The following CRTC3 variants were observed in gnomAD, a reference collection of about 807,000 sequenced individuals.
CRTC3 encodes CREB regulated transcription coactivator 3.
Under a neutral mutation model 74.5 loss-of-function variants are expected in CRTC3, and 26 were observed. That is an observed-to-expected ratio of 0.35 (90% CI 0.26 to 0.48). CRTC3 has a LOEUF of 0.48. CRTC3 is among the 20% of genes least tolerant of loss of function. CRTC3 has a pLI of 0.99. For synonymous variants in CRTC3, 377 were observed against 325.8 expected (o/e 1.16, Z -1.69); for missense variants, 760 against 787.3 (o/e 0.97, Z 0.41).
At chr15:90,543,358 C>G (rs1051379965) in intron 2 of CRTC3, among the ~76,000 whole-genome samples, 5 of 149,592 alleles carry the variant, frequency 3.3e-5, no homozygotes, top group Admixed American at 6.6e-5. Flanking sequence ...TAAAGTAACT[C>G]TTTTCCCCTT....
intron 2 of CRTC3, among the ~76,000 whole-genome samples, chr15:90,591,602 A>G (rs1872716788): frequency 6.6e-6 from 1 of 152,178 alleles, no homozygotes. Flanking sequence ...AGATAACTTG[A>G]GGTCAGGAGT....
intron 2 of CRTC3, among the ~76,000 whole-genome samples, chr15:90,548,338 A>G (rs543612904): frequency 6.6e-5 from 10 of 152,360 alleles, no homozygotes; most frequent in Admixed American, 5.9e-4. Context: ...TTAGGGAACA[A>G]TCTGATGGTC....
chr15:90,622,127 A>G (rs1241878314), intron 9 of CRTC3, among the ~76,000 whole-genome samples: 2 of 152,194 alleles, frequency 1.3e-5, no homozygotes, highest in Non-Finnish European at 2.9e-5. Flanking sequence ...ACCCCAAGGC[A>G]GGAGTGGGCC....
intron 5 of CRTC3, among the ~76,000 whole-genome samples, chr15:90,605,479 C>A (rs1968192797): frequency 6.6e-6 from 1 of 152,170 alleles, no homozygotes; most frequent in African/African-American, 2.4e-5. Context: ...AAAAACATAA[C>A]CACAATGCCG....
At chr15:90,558,913 G>A (rs8040777) in intron 2 of CRTC3, among the ~76,000 whole-genome samples, 19,898 of 151,568 alleles carry the variant, frequency 0.13, 1,823 homozygotes, top group African/African-American at 0.27. Context: ...TACCACGCCC[G>A]GCTAATTTTT....
chr15:90,591,869 T>A (rs1967809438), intron 2 of CRTC3, among the ~76,000 whole-genome samples: 1 of 152,236 alleles, frequency 6.6e-6, no homozygotes, highest in African/African-American at 2.4e-5. Context: ...CCATTATTTT[T>A]CAGGTATTTC....
At chr15:90,615,614 A>G (rs1968472443) in intron 7 of CRTC3, among the ~76,000 whole-genome samples, 2 of 152,264 alleles carry the variant, frequency 1.3e-5, no homozygotes, top group Admixed American at 6.5e-5. Flanking sequence ...GGTTGACTGC[A>G]TTCCTTCAGT....
intron 2 of CRTC3, among the ~76,000 whole-genome samples, chr15:90,541,975 G>A (rs1246046226): frequency 6.6e-6 from 1 of 151,488 alleles, no homozygotes; most frequent in East Asian, 1.9e-4. Context: ...AGTAGAGATG[G>A]GGTTTCACCA....
At chr15:90,567,097 A>G (rs1366690699) in intron 2 of CRTC3, among the ~76,000 whole-genome samples, 1 of 152,144 alleles carries the variant, frequency 6.6e-6, no homozygotes, top group Non-Finnish European at 1.5e-5. Context: ...TCCAAAGGAC[A>G]CTTCGATTCT....
intron 2 of CRTC3, among the ~76,000 whole-genome samples, chr15:90,543,770 G>A (rs1966839114): frequency 6.6e-6 from 1 of 151,922 alleles, no homozygotes; most frequent in African/African-American, 2.4e-5. Flanking sequence ...CCTTTTTTAG[G>A]TATACAGCTC....
At chr15:90,544,583 G>A (rs1215565887) in intron 2 of CRTC3, among the ~76,000 whole-genome samples, 1 of 152,036 alleles carries the variant, frequency 6.6e-6, no homozygotes, top group Non-Finnish European at 1.5e-5. Flanking sequence ...CCACCTTTTG[G>A]CAATTATGAA....
At chr15:90,631,548 C>T (rs898880194) in intron 11 of CRTC3, among the ~76,000 whole-genome samples, 5 of 151,604 alleles carry the variant, frequency 3.3e-5, no homozygotes, top group Admixed American at 6.6e-5. Flanking sequence ...GTTAACATGA[C>T]GAAACCCCAT....
chr15:90,643,529 C>G lies in CRTC3; in HGVS notation c.*1389C>G. The G allele has an allele frequency of 4.4e-6, 1 of 228,914 alleles. No individual in the cohort carries two copies. Among genetic ancestry groups the G allele is most frequent in the Non-Finnish European group, 8.7e-6 (1 of 115,366 alleles). The allele number at this position is 228,914 out of a possible 1,614,324, so 14.2% of individuals were successfully genotyped here. A position where few individuals can be genotyped will look rare whatever the true frequency, so the allele number is the denominator to read the frequency against. Reference sequence around the variant, plus strand: ...TCTTCCTTCTCAGATCCACGTTTGGCTCTAAATTGCTTCAAGTAGAGATTC... The same window carrying G: ...TCTTCCTTCTCAGATCCACGTTTGGGTCTAAATTGCTTCAAGTAGAGATTC... On this transcript the variant is annotated 3_prime_UTR_variant, in exon 15 of 15. Coordinates refer to ENST00000268184, the MANE Select transcript of CRTC3 (RefSeq NM_022769.5).
chr15:90,556,998 A>C (rs888125026), intron 2 of CRTC3, among the ~76,000 whole-genome samples: 9 of 130,180 alleles, frequency 6.9e-5, no homozygotes, highest in Middle Eastern at 4.2e-3. Context: ...ATATATATAT[A>C]TCTTTATAAT....
chr15:90,635,506 G>T (rs967822196), intron 11 of CRTC3, among the ~76,000 whole-genome samples: 1 of 152,110 alleles, frequency 6.6e-6, no homozygotes, highest in African/African-American at 2.4e-5. Context: ...TTAGCCAGGC[G>T]TGTTAGCATG....
chr15:90,545,764 G>A (rs942864329), intron 2 of CRTC3, among the ~76,000 whole-genome samples: 3 of 151,974 alleles, frequency 2.0e-5, no homozygotes, highest in African/African-American at 7.2e-5. Context: ...ATTTTTAGTA[G>A]AGACGGGGTT....
At chr15:90,549,864 G>A (rs1378627115) in intron 2 of CRTC3, among the ~76,000 whole-genome samples, 2 of 151,000 alleles carry the variant, frequency 1.3e-5, no homozygotes, top group Admixed American at 6.6e-5. Context: ...CACCATGCCC[G>A]GCTCATTTTT....
chr15:90,640,341 C>T (rs74614486), intron 13 of CRTC3, among the ~76,000 whole-genome samples: 3,050 of 152,122 alleles, frequency 0.02, 120 homozygotes, highest in African/African-American at 0.07. Context: ...GCCTGAGTTT[C>T]CTCCTTCTGA....
chr15:90,554,169 T>C (rs6496690), intron 2 of CRTC3, among the ~76,000 whole-genome samples: 130,702 of 152,026 alleles, frequency 0.86, 56,469 homozygotes, highest in Middle Eastern at 0.93. Flanking sequence ...CTTAGAACAG[T>C]GGTTGGCACA....
Sources: gnomAD v4.1 joint callset for allele counts (sites outside exome capture counted in the v4.1 genomes callset) on GRCh38, gnomAD v4.1.1 for gene constraint, MANE v1.5 for transcripts, NCBI Gene and HGNC (gene_info 2026-07-23, HGNC 2026-07-21) for gene names.